Variants in GLRX5 observed in about 807,000 individuals in gnomAD.
GLRX5 encodes glutaredoxin 5.
In GLRX5, 10 loss-of-function variants were observed where a neutral mutation model predicts 13.8. The ratio of observed to expected loss-of-function variants is 0.72; its 90% CI spans 0.45 to 1.23. The LOEUF (loss-of-function observed/expected upper bound fraction) is 1.23, where lower values mean the gene tolerates loss of function less well. Ranked by LOEUF, GLRX5 falls within the 50% of genes most tolerant of loss-of-function variation. The probability of loss-of-function intolerance (pLI) is 0.00; values close to 1 mark genes in which losing one functional copy is unlikely to be tolerated. For missense variants in GLRX5, 233 were observed against 215.2 expected (o/e 1.08, Z -0.52); for synonymous variants, 98 against 101.1 (o/e 0.97, Z 0.18).
chr14:95,539,036 G>T (rs1891429389), intron 1 of GLRX5, among the ~76,000 whole-genome samples: 1 of 152,322 alleles, frequency 6.6e-6, no homozygotes, highest in Non-Finnish European at 1.5e-5. Flanking sequence ...CCTGAGCTCC[G>T]CCTCCTGCCA....
Position 95,544,182 on chromosome 14 carries a change from C to T in GLRX5, c.*57C>T. 6.8e-7 allele frequency: 1 copy of T among 1,474,082 alleles called. No individual in the cohort carries two copies. Among genetic ancestry groups the T allele is most frequent in the Non-Finnish European group, 9.4e-7 (1 of 1,062,890 alleles). 91.3% of individuals were successfully genotyped at this position (1,474,082 alleles called of 1,614,324 possible). ...AGCCGTTCATGTCAGAGACTCACTGCCAGAAAAGCCTTACCCATTTTGGTT... is the reference window on the plus strand; with the variant it reads ...AGCCGTTCATGTCAGAGACTCACTGTCAGAAAAGCCTTACCCATTTTGGTT... On this transcript the variant is annotated 3_prime_UTR_variant, in exon 2 of 2. Coordinates refer to ENST00000331334, the MANE Select transcript of GLRX5 (RefSeq NM_016417.3).
rs747458426 is a variant in GLRX5, at chr14:95,535,240, A to G, written c.151A>G (p.Lys51Glu). The G allele has an allele frequency of 3.2e-6, 5 of 1,565,162 alleles. No individual in the cohort carries two copies. Among genetic ancestry groups the G allele is most frequent in the Non-Finnish European group, 4.3e-6 (5 of 1,157,618 alleles). Residue 51 changes from lysine to glutamate, a missense_variant, in exon 1 of 2, where the codon AAG becomes GAG. Lys to Glu is a moderately conservative substitution (Grantham distance 56, BLOSUM62 1). Transcript: ENST00000331334. ...SAEQLDALVK[K>E]DKVVVFLKGT... Reference sequence around the variant, plus strand: ...GGAGCAGTTGGACGCGCTGGTGAAGAAGGACAAGGTGGTGGTCTTCCTCAA... The same window carrying G: ...GGAGCAGTTGGACGCGCTGGTGAAGGAGGACAAGGTGGTGGTCTTCCTCAA...
In GLRX5 at chr14:95,535,081, C is replaced by G; in HGVS notation, c.-9C>G. 1 of 1,335,060 alleles carries G rather than the reference C, an allele frequency of 7.5e-7. No homozygotes were observed. Among genetic ancestry groups the G allele is most frequent in the Non-Finnish European group, 9.7e-7 (1 of 1,030,870 alleles). The allele number at this position is 1,335,060 out of a possible 1,614,324, so 82.7% of individuals were successfully genotyped here. On this transcript the variant is annotated 5_prime_UTR_variant, in exon 1 of 2. Transcript: ENST00000331334. ...CCGGGCCGTCGTGGGCTCCGGCTTG[C>G]GTGCGGAGATGAGCGGGTCCCTCGG... is the stretch of plus-strand genomic sequence containing the variant.
intron 1 of GLRX5, among the ~76,000 whole-genome samples, chr14:95,538,486 T>C (rs892697004): frequency 6.6e-6 from 1 of 152,230 alleles, no homozygotes; most frequent in African/African-American, 2.4e-5. Context: ...GTGAAACATG[T>C]CATGCTGGTG....
chr14:95,543,056 C>CA (rs1461281881), intron 1 of GLRX5: 1 of 455,962 alleles, frequency 2.2e-6, no homozygotes, highest in African/African-American at 2.0e-5. Context: ...TGTGTGTCCT[C>CA]AGAGCCATTT....
intron 1 of GLRX5, chr14:95,543,457 A>G (rs746790204): frequency 3.1e-5 from 10 of 320,014 alleles, no homozygotes; most frequent in Admixed American, 1.3e-4. Context: ...CGAGTTGGCC[A>G]TGAATTACCG....
chr14:95,544,273 T>C lies in GLRX5; in HGVS notation c.*148T>C, dbSNP rs1595284856. 1.4e-6 allele frequency: 1 copy of C among 693,148 alleles called. No homozygotes were observed. Among genetic ancestry groups the C allele is most frequent in the East Asian group, 2.7e-5 (1 of 36,854 alleles). The allele number at this position is 693,148 out of a possible 1,614,324, so 42.9% of individuals were successfully genotyped here. ...GTTCGTGAGCAGTTGGTGATTTTAG[T>C]TGGTCTGGTGTTCGGGCTAAGAATA... On this transcript the variant is annotated 3_prime_UTR_variant, in exon 2 of 2. Transcript: ENST00000331334.
rs7120 is a variant in GLRX5 at position 95,544,252 on chromosome 14, G to T, written c.*127G>T. Reference sequence around the variant, plus strand: ...CTGCTTGCACTGATCATTTTGGTTCGTGAGCAGTTGGTGATTTTAGTTGGT... The same window carrying T: ...CTGCTTGCACTGATCATTTTGGTTCTTGAGCAGTTGGTGATTTTAGTTGGT... On this transcript the variant is annotated 3_prime_UTR_variant, in exon 2 of 2. Coordinates refer to ENST00000331334, the MANE Select transcript of GLRX5 (RefSeq NM_016417.3). 2.7e-6 allele frequency: 2 copies of T among 747,292 alleles called. No homozygotes were observed. Among genetic ancestry groups the T allele is most frequent in the Non-Finnish European group, 4.7e-6 (2 of 427,888 alleles). The allele number at this position is 747,292 out of a possible 1,614,324, so 46.3% of individuals were successfully genotyped here.
chr14:95,537,414 G>C lies in GLRX5; in HGVS notation c.295+2030G>C, dbSNP rs74765898. 3.3e-5 allele frequency among the ~76,000 whole-genome samples: 5 copies of C among 152,212 alleles called. No homozygotes were observed. In the East Asian group the frequency reaches 7.7e-4, roughly 23 times the overall value. ...CAGATTGCTATTTTGGTTAATAAAC[G>C]CGTTGCATATATATTGAATATAACA... On this transcript the variant is annotated intron_variant, in intron 1 of 1. Transcript: ENST00000331334.
chr14:95,543,888 A>T, intron 1 of GLRX5, 59 bp from the exon 2 acceptor site: 1 of 1,433,766 alleles, frequency 7.0e-7, no homozygotes, highest in Non-Finnish European at 9.8e-7. Flanking sequence ...TTACATATTT[A>T]GTCATGAATG....
chr14:95,535,264 A>T lies in GLRX5; in HGVS notation c.175A>T (p.Lys59Ter). 1.3e-6 allele frequency: 2 copies of T among 1,571,824 alleles called. No individual in the cohort carries two copies. The highest frequency in any genetic ancestry group is 1.7e-6 in the Non-Finnish European group (2 of 1,160,412). Residue 59 changes from lysine (K) to a stop codon, truncating the protein, a stop_gained, in exon 1 of 2, where the codon AAG becomes TAG. Coordinates refer to ENST00000331334, the MANE Select transcript of GLRX5 (RefSeq NM_016417.3). LOFTEE classifies it high-confidence loss of function. ...GAAGGACAAGGTGGTGGTCTTCCTC[A>T]AGGGGACGCCGGAGCAGCCCCAGTG... is the stretch of plus-strand genomic sequence containing the variant. Reference protein sequence around the residue: ...VKKDKVVVFLKGTPEQPQCGF... With the variant: ...VKKDKVVVFL
chr14:95,541,865 A>G (rs1301794878), intron 1 of GLRX5, among the ~76,000 whole-genome samples: 1 of 152,250 alleles, frequency 6.6e-6, no homozygotes, highest in Non-Finnish European at 1.5e-5. Flanking sequence ...TGTGTTTCAG[A>G]AATTATAGAC....
intron 1 of GLRX5, among the ~76,000 whole-genome samples, chr14:95,540,705 A>G (rs1454914387): frequency 6.6e-6 from 1 of 152,242 alleles, no homozygotes; most frequent in Non-Finnish European, 1.5e-5. Context: ...AGTAGGTAAG[A>G]GACAGAGTTG....
Position 95,535,100 on chromosome 14 carries a change from C to T in GLRX5, c.11C>T (p.Ser4Phe). The change falls in exon 1 of 2, where the codon TCC becomes TTC. Residue 4 changes from serine (S) to phenylalanine (F), a missense_variant. Ser to Phe is a radical substitution (Grantham distance 155, BLOSUM62 -2). Coordinates refer to ENST00000331334, the MANE Select transcript of GLRX5 (RefSeq NM_016417.3). The stretch of plus-strand genomic sequence containing the variant: ...GGCTTGCGTGCGGAGATGAGCGGGT[C>T]CCTCGGCCGAGCTGCGGCGGCTCTG... MSGSLGRAAAALLR... is the reference protein window; with the variant it reads MSGFLGRAAAALLR... The T allele has an allele frequency of 3.0e-6, 4 of 1,317,268 alleles. No homozygotes were observed. Among genetic ancestry groups the T allele is most frequent in the Non-Finnish European group, 3.9e-6 (4 of 1,020,504 alleles). 81.6% of individuals were successfully genotyped at this position (1,317,268 alleles called of 1,614,324 possible).
chr14:95,541,733 C>T (rs1369026048), intron 1 of GLRX5, among the ~76,000 whole-genome samples: 1 of 152,096 alleles, frequency 6.6e-6, no homozygotes, highest in Non-Finnish European at 1.5e-5. Context: ...CCCAATGCTT[C>T]GATTGAGTGT....
chr14:95,540,345 T>C (rs895202896), intron 1 of GLRX5, among the ~76,000 whole-genome samples: 4 of 152,228 alleles, frequency 2.6e-5, no homozygotes, highest in African/African-American at 4.8e-5. Flanking sequence ...CTGTACCTGG[T>C]ACTATGCTGG....
In GLRX5 at chr14:95,544,165, A is replaced by T; in HGVS notation, c.*40A>T. 6.4e-7 allele frequency: 1 copy of T among 1,572,042 alleles called. No individual in the cohort carries two copies. Among genetic ancestry groups the T allele is most frequent in the Admixed American group, 1.7e-5 (1 of 58,642 alleles). On this transcript the variant is annotated 3_prime_UTR_variant, in exon 2 of 2. Transcript: ENST00000331334. ...TCGCTGAGCAGAGAGGGAGCCGTTC[A>T]TGTCAGAGACTCACTGCCAGAAAAG... is the stretch of plus-strand genomic sequence containing the variant.
At chr14:95,537,957 C>A (rs1477691687) in intron 1 of GLRX5, among the ~76,000 whole-genome samples, 7 of 152,204 alleles carry the variant, frequency 4.6e-5, no homozygotes, top group Admixed American at 4.6e-4. Context: ...AGACTGACAT[C>A]ATCATTTCCT....
chr14:95,541,747 A>T (rs1174943010), intron 1 of GLRX5, among the ~76,000 whole-genome samples: 1 of 152,232 alleles, frequency 6.6e-6, no homozygotes, highest in Non-Finnish European at 1.5e-5. Flanking sequence ...TGAGTGTGAT[A>T]CTATAAAAGT....
Sources: gnomAD v4.1 joint callset for allele counts (sites outside exome capture counted in the v4.1 genomes callset) on GRCh38, gnomAD v4.1.1 for gene constraint, MANE v1.5 for transcripts, NCBI Gene and HGNC (gene_info 2026-07-23, HGNC 2026-07-21) for gene names.